RPH3A: variants seen among roughly 807,000 people sequenced by gnomAD.
RPH3A encodes the protein rabphilin-3A.
RPH3A carries 48 observed loss-of-function variants against 102.2 expected under a neutral mutation model. That is an observed-to-expected ratio of 0.47 (90% CI 0.37 to 0.60). The LOEUF (loss-of-function observed/expected upper bound fraction) is 0.60, where lower values mean the gene tolerates loss of function less well. Ranked by LOEUF, RPH3A falls within the 20% of genes least tolerant of loss-of-function variation. The pLI is 0.00. For synonymous variants in RPH3A, 310 were observed against 324.3 expected, an observed-to-expected ratio of 0.96 and a Z score of 0.47; for missense variants, 781 against 910.1, an observed-to-expected ratio of 0.86 and a Z score of 1.83.
intron 1 of RPH3A, among the ~76,000 whole-genome samples, chr12:112,728,258 AGACTGGGGGAG>A (rs2040609002): frequency 6.6e-6 from 1 of 152,216 alleles, no homozygotes; most frequent in Admixed American, 6.5e-5. Context: ...TCAAGCCACT[AGACTGGGGGAG>A]GACCCTGCCC....
At chr12:112,883,132 C>T (rs1338126723) in intron 15 of RPH3A, among the ~76,000 whole-genome samples, 161 bp from the exon 16 acceptor site, 1 of 152,178 alleles carries the variant, frequency 6.6e-6, no homozygotes, top group African/African-American at 2.4e-5. Context: ...TCCTAGAGGA[C>T]ATCCCCCACT....
intron 1 of RPH3A, among the ~76,000 whole-genome samples, chr12:112,692,364 T>C (rs561874270): frequency 6.6e-6 from 1 of 152,324 alleles, no homozygotes; most frequent in East Asian, 1.9e-4. Flanking sequence ...AAATAATGAA[T>C]ATGCTAATGA....
chr12:112,852,338 T>G (rs1002935733), intron 5 of RPH3A, among the ~76,000 whole-genome samples: 1 of 152,126 alleles, frequency 6.6e-6, no homozygotes, highest in African/African-American at 2.4e-5. Context: ...AGGAAATAGA[T>G]CCTATCTCCT....
chr12:112,581,355 A>G (rs1222986531), intron 1 of RPH3A, among the ~76,000 whole-genome samples: 1 of 152,158 alleles, frequency 6.6e-6, no homozygotes, highest in East Asian at 1.9e-4. Flanking sequence ...CTATCATGAG[A>G]AAAACATGGG....
At chr12:112,619,780 A>C (rs923213061) in intron 1 of RPH3A, among the ~76,000 whole-genome samples, 2 of 152,130 alleles carry the variant, frequency 1.3e-5, no homozygotes, top group Admixed American at 1.3e-4. Context: ...ATTAATAAAC[A>C]TGGACATATT....
chr12:112,706,573 G>C (rs902433966), intron 1 of RPH3A, among the ~76,000 whole-genome samples: 5 of 152,152 alleles, frequency 3.3e-5, no homozygotes, highest in African/African-American at 1.2e-4. Flanking sequence ...AATGAGAATG[G>C]CTTTAGGAAG....
intron 1 of RPH3A, among the ~76,000 whole-genome samples, chr12:112,694,687 G>C (rs556707020): frequency 3.1e-3 from 455 of 146,508 alleles, no homozygotes; most frequent in East Asian, 7.1e-3. Flanking sequence ...CACACACAGA[G>C]AGAGAGAGAG....
rs891168895 is a variant in RPH3A at position 112,627,228 on chromosome 12, AT to A, written c.-140+51910del. Among the ~76,000 whole-genome samples, 112 of 151,776 alleles carry A rather than the reference AT, an allele frequency of 7.4e-4. 2 individuals are homozygous for A. The highest frequency in any genetic ancestry group is 5.1e-3 in the Admixed American group (78 of 15,238). ...GTATAATAAAAATAATTTAAAAAAAATATTTGTATTATGCACTATACATTTA... is the reference window on the plus strand; with the variant it reads ...GTATAATAAAAATAATTTAAAAAAAAATTTGTATTATGCACTATACATTTA... On this transcript the variant is annotated intron_variant, in intron 1 of 21. Transcript: ENST00000543106.
Position 112,879,167 on chromosome 12 carries a change from G to A in RPH3A, c.1220G>A (p.Ser407Asn), listed in dbSNP as rs200556018. The change falls in exon 14 of 22, where the codon AGC becomes AAC. Residue 407 changes from serine to asparagine, a missense_variant. Coordinates refer to ENST00000389385, the MANE Select transcript of RPH3A (RefSeq NM_001143854.2). Reference sequence around the variant, plus strand: ...AGCCTTCTCTACGACCAGGACAACAGCTCCCTGCAGTGCACCATCATTAAG... The same window carrying A: ...AGCCTTCTCTACGACCAGGACAACAACTCCCTGCAGTGCACCATCATTAAG... ...EFSLLYDQDNSSLQCTIIKAK... is the reference protein window; with the variant it reads ...EFSLLYDQDNNSLQCTIIKAK... 6.2e-7 allele frequency: 1 copy of A among 1,614,048 alleles called. No homozygotes were observed. The highest frequency in any genetic ancestry group is 2.2e-5 in the East Asian group (1 of 44,872).
Position 112,803,274 on chromosome 12 carries a change from G to C in RPH3A, c.-19+11011G>C, listed in dbSNP as rs367965372. 7.2e-4 allele frequency among the ~76,000 whole-genome samples: 110 copies of C among 152,036 alleles called. 1 individual carries two copies. The South Asian group carries it at 0.022, about 31-fold the overall frequency. ...ACTGAGTTAAGAGTCTGTCCATTTG[G>C]GTACAAGTTCCAGATGTGCCTGATA... On this transcript the variant is annotated intron_variant, in intron 2 of 21. Coordinates refer to ENST00000389385, the MANE Select transcript of RPH3A (RefSeq NM_001143854.2).
chr12:112,748,833 C>G (rs2040765406), intron 1 of RPH3A, among the ~76,000 whole-genome samples: 1 of 152,134 alleles, frequency 6.6e-6, no homozygotes, highest in African/African-American at 2.4e-5. Flanking sequence ...AGGCTACGAA[C>G]TGATATTTTG....
At chr12:112,831,127 A>G (rs2041963591) in intron 3 of RPH3A, among the ~76,000 whole-genome samples, 1 of 151,728 alleles carries the variant, frequency 6.6e-6, no homozygotes. Flanking sequence ...TTACATAAAA[A>G]CAGGCGGCTG....
intron 1 of RPH3A, among the ~76,000 whole-genome samples, chr12:112,712,921 CT>C: frequency 9.5e-6 from 1 of 105,608 alleles, no homozygotes; most frequent in South Asian, 3.9e-4. Flanking sequence ...TCTTCTTCTT[CT>C]TCCTCTTCTT....
At chr12:112,587,341 G>A (rs1301007610) in intron 1 of RPH3A, among the ~76,000 whole-genome samples, 1 of 152,176 alleles carries the variant, frequency 6.6e-6, no homozygotes, top group Non-Finnish European at 1.5e-5. Flanking sequence ...GTCTTAATAC[G>A]GTTCTTCTGA....
At chr12:112,844,443 A>T (rs754953726) in intron 4 of RPH3A, among the ~76,000 whole-genome samples, 1 of 152,226 alleles carries the variant, frequency 6.6e-6, no homozygotes, top group Non-Finnish European at 1.5e-5. Flanking sequence ...TAATTCTGCC[A>T]ATGACACAAA....
rs778317670 is a variant in RPH3A at position 112,876,850 on chromosome 12, C to T, written c.1155C>T (p.Tyr385=). 19 of 1,601,236 alleles carry T rather than the reference C, an allele frequency of 1.2e-5. No homozygotes were observed. The East Asian group carries it at 1.3e-4, about 11-fold the overall frequency. ...PEEEEEEANS[Y]DSDEATTLGA... is the part of the protein sequence containing the mutation. ...AGGAGGAAGAGGAAGCCAACAGCTA[C>T]GATTCGGATGAAGCAAGTAGGTGGT... Residue 385 remains tyrosine, a synonymous_variant, in exon 13 of 22, where the codon TAC becomes TAT. Transcript: ENST00000389385.
intron 21 of RPH3A, 142 bp from the exon 22 acceptor site, chr12:112,896,508 C>G: frequency 1.1e-6 from 1 of 911,846 alleles, no homozygotes; most frequent in Non-Finnish European, 1.7e-6. Flanking sequence ...ACAGCAGCAA[C>G]GTTATAACAA....
chr12:112,650,081 T>C (rs1209210826), intron 1 of RPH3A, among the ~76,000 whole-genome samples: 1 of 152,216 alleles, frequency 6.6e-6, no homozygotes, highest in African/African-American at 2.4e-5. Context: ...ATTATCATCA[T>C]ATATTAGGCA....
chr12:112,632,059 G>A (rs2039810769), intron 1 of RPH3A, among the ~76,000 whole-genome samples: 1 of 152,114 alleles, frequency 6.6e-6, no homozygotes, highest in Non-Finnish European at 1.5e-5. Context: ...GGTCTTTCCT[G>A]CACTGTTCTT....
Sources: allele counts gnomAD v4.1 joint callset (sites outside exome capture counted in the v4.1 genomes callset), GRCh38; gene constraint gnomAD v4.1.1; transcripts MANE v1.5; gene names NCBI Gene and HGNC (gene_info 2026-07-23, HGNC 2026-07-21).